ARHGEF3: variants seen among roughly 807,000 people sequenced by gnomAD.
The protein encoded by ARHGEF3 is Rho guanine nucleotide exchange factor 3, also known as 59.8 kDA protein.
In ARHGEF3, 28 loss-of-function variants were observed where a neutral mutation model predicts 63.2. The ratio of observed to expected loss-of-function variants is 0.44; its 90% CI spans 0.33 to 0.61. ARHGEF3 has a LOEUF of 0.61. Among genes scored for constraint, ARHGEF3 ranks in the 20% least tolerant of loss-of-function variants. The probability of loss-of-function intolerance (pLI) is 0.03; values close to 1 mark genes in which losing one functional copy is unlikely to be tolerated. For synonymous variants in ARHGEF3, 266 were observed against 254.2 expected (o/e 1.05, Z -0.44); for missense variants, 533 against 659.3 (o/e 0.81, Z 2.10).
intron 2 of ARHGEF3, among the ~76,000 whole-genome samples, chr3:56,764,671 A>C (rs1192820502): frequency 3.3e-5 from 5 of 152,162 alleles, no homozygotes; most frequent in Non-Finnish European, 7.3e-5. Flanking sequence ...TACTTTGTGC[A>C]GAACCTGGTT....
intron 3 of ARHGEF3, among the ~76,000 whole-genome samples, chr3:56,931,380 G>A (rs2042405753): frequency 6.6e-6 from 1 of 151,860 alleles, no homozygotes. Flanking sequence ...GTTCAAGACT[G>A]TCTTGGGCAA....
At chr3:56,783,501 G>A (rs1052912396) in intron 1 of ARHGEF3, among the ~76,000 whole-genome samples, 2 of 152,056 alleles carry the variant, frequency 1.3e-5, no homozygotes, top group Middle Eastern at 3.2e-3. Flanking sequence ...ATTCTTCTTG[G>A]TACCACTGAG....
chr3:56,838,703 G>A (rs75498370), intron 4 of ARHGEF3, among the ~76,000 whole-genome samples: 2,273 of 152,172 alleles, frequency 0.015, 58 homozygotes, highest in African/African-American at 0.052. Flanking sequence ...ATACTATGAC[G>A]AGCTGACCTG....
intron 4 of ARHGEF3, among the ~76,000 whole-genome samples, chr3:56,868,658 CAGCCAGTTTCA>C (rs1421888651): frequency 6.6e-6 from 1 of 152,158 alleles, no homozygotes; most frequent in Non-Finnish European, 1.5e-5. Context: ...CCACTGCGCC[CAGCCAGTTTCA>C]AGGATATTCT....
At chr3:57,064,039 G>A (rs2107360142) in intron 1 of ARHGEF3, among the ~76,000 whole-genome samples, 1 of 152,354 alleles carries the variant, frequency 6.6e-6, no homozygotes, top group Non-Finnish European at 1.5e-5. Flanking sequence ...GGCCCAGGGA[G>A]GGGGACTGCC....
At chr3:56,935,733 T>C (rs552858172) in intron 3 of ARHGEF3, among the ~76,000 whole-genome samples, 1 of 151,902 alleles carries the variant, frequency 6.6e-6, no homozygotes, top group East Asian at 1.9e-4. Flanking sequence ...AGGAACAAAC[T>C]CCACACGCGC....
intron 4 of ARHGEF3, among the ~76,000 whole-genome samples, chr3:56,858,461 C>A (rs1243735151): frequency 1.1e-4 from 16 of 152,104 alleles, no homozygotes; most frequent in African/African-American, 3.6e-4. Flanking sequence ...ATACTGAGCC[C>A]CTACCAGTGC....
chr3:56,984,851 G>A (rs1701471461), intron 2 of ARHGEF3, among the ~76,000 whole-genome samples: 1 of 152,110 alleles, frequency 6.6e-6, no homozygotes, highest in Non-Finnish European at 1.5e-5. Context: ...GCCCGGCCTT[G>A]GACAGTAGAA....
chr3:56,968,495 CTT>C, intron 2 of ARHGEF3, among the ~76,000 whole-genome samples: 1 of 132,682 alleles, frequency 7.5e-6, no homozygotes, highest in South Asian at 2.4e-4. Flanking sequence ...GCACAACTAG[CTT>C]TTTTTTTTTT....
intron 2 of ARHGEF3, among the ~76,000 whole-genome samples, chr3:56,768,667 C>CAAAA (rs770390697): frequency 3.6e-4 from 16 of 44,022 alleles, no homozygotes; most frequent in East Asian, 1.0e-3. Context: ...AAGCAAAATG[C>CAAAA]AAAAAAAAAA....
At chr3:56,782,940 G>A (rs947659490) in intron 1 of ARHGEF3, among the ~76,000 whole-genome samples, 4 of 152,186 alleles carry the variant, frequency 2.6e-5, no homozygotes, top group African/African-American at 4.8e-5. Context: ...GAGGGATGAC[G>A]TTTATTCTCT....
At chr3:56,874,457 T>C (rs1227226938) in intron 4 of ARHGEF3, among the ~76,000 whole-genome samples, 1 of 152,208 alleles carries the variant, frequency 6.6e-6, no homozygotes, top group East Asian at 1.9e-4. Context: ...GGTATCTTTT[T>C]TAATTATCTG....
intron 2 of ARHGEF3, among the ~76,000 whole-genome samples, chr3:57,007,551 T>C (rs1206522846): frequency 6.6e-6 from 1 of 152,174 alleles, no homozygotes; most frequent in Non-Finnish European, 1.5e-5. Context: ...GAACACACAA[T>C]GTTTTTCAAA....
rs1042896329 is a variant in ARHGEF3, at chr3:56,755,277, G to A, written c.205-126C>T. The A allele has an allele frequency of 2.0e-5, 22 of 1,110,182 alleles. No individual in the cohort carries two copies. In the African/African-American group the frequency reaches 3.1e-4, roughly 16 times the overall value. 68.8% of individuals were successfully genotyped at this position (1,110,182 alleles called of 1,614,324 possible). ...AAAGAAAAAGAGGACATTGCCACAA[G>A]GCCTTTGGGAAGTGGGGCATTGTCT... is the stretch of plus-strand genomic sequence containing the variant. On this transcript the variant is annotated intron_variant, in intron 2 of 9. Transcript: ENST00000296315.
intron 3 of ARHGEF3, among the ~76,000 whole-genome samples, chr3:56,940,349 A>G (rs1699115832): frequency 6.6e-6 from 1 of 152,224 alleles, no homozygotes; most frequent in South Asian, 2.1e-4. Context: ...CTCTGGAACC[A>G]AAAAGGGACT....
intron 2 of ARHGEF3, among the ~76,000 whole-genome samples, chr3:57,021,082 T>C (rs1703237901): frequency 6.6e-6 from 1 of 152,232 alleles, no homozygotes; most frequent in African/African-American, 2.4e-5. Flanking sequence ...TACATCTTCA[T>C]GGAGTACTAA....
At chr3:56,896,906 T>C (rs2041322550) in intron 3 of ARHGEF3, among the ~76,000 whole-genome samples, 1 of 152,236 alleles carries the variant, frequency 6.6e-6, no homozygotes. Context: ...GACTATTTAG[T>C]TGAGGTGGCA....
intron 3 of ARHGEF3, chr3:56,916,435 T>G (rs1432158925): frequency 6.9e-6 from 10 of 1,441,594 alleles, no homozygotes; most frequent in Non-Finnish European, 9.1e-6. Flanking sequence ...GAGCATAGTT[T>G]CCCTGAAGGA....
chr3:56,906,975 A>ATTTTTTTT (rs368006965), intron 3 of ARHGEF3, among the ~76,000 whole-genome samples: 37 of 72,346 alleles, frequency 5.1e-4, no homozygotes, highest in East Asian at 9.4e-4. Context: ...CTCACATTCT[A>ATTTTTTTT]TTTTTTTTTT....
Sources: gnomAD v4.1 joint callset for allele counts (sites outside exome capture counted in the v4.1 genomes callset) on GRCh38, gnomAD v4.1.1 for gene constraint, MANE v1.5 for transcripts, NCBI Gene and HGNC (gene_info 2026-07-23, HGNC 2026-07-21) for gene names.